The following XRRA1 variants were observed in gnomAD, a reference collection of about 807,000 sequenced individuals.
The protein encoded by XRRA1 is X-ray radiation resistance-associated protein 1.
XRRA1 carries 69 observed loss-of-function variants against 80.2 expected under a neutral mutation model. That is an observed-to-expected ratio of 0.86 (90% CI 0.71 to 1.05). The LOEUF (loss-of-function observed/expected upper bound fraction) is 1.05. Ranked by LOEUF, XRRA1 falls within the 50% of genes least tolerant of loss-of-function variation. The pLI, the probability that XRRA1 is intolerant of heterozygous loss-of-function variation, is 0.00. For synonymous variants in XRRA1, 348 were observed against 389.9 expected (o/e 0.89, Z 1.27); for missense variants, 967 against 976.4 (o/e 0.99, Z 0.13).
At chr11:74,848,565 G>A in intron 14 of XRRA1, 103 bp from the exon 15 acceptor site, 1 of 1,069,528 alleles carries the variant, frequency 9.3e-7, no homozygotes. Context: ...GGAGTGCTGG[G>A]TACGGACTGA....
intron 1 of XRRA1, among the ~76,000 whole-genome samples, chr11:74,945,443 A>G (rs1947311660): frequency 6.6e-6 from 1 of 152,224 alleles, no homozygotes; most frequent in African/African-American, 2.4e-5. Flanking sequence ...AAGATAAGAC[A>G]CAGTCTGGGA....
intron 10 of XRRA1, among the ~76,000 whole-genome samples, chr11:74,904,891 T>TAAAAAAA (rs35880400): frequency 1.4e-5 from 1 of 70,106 alleles, no homozygotes; most frequent in Non-Finnish European, 2.9e-5. Flanking sequence ...AACTTCACAG[T>TAAAAAAA]AAAAAAAAAA....
intron 10 of XRRA1, among the ~76,000 whole-genome samples, chr11:74,894,991 G>A (rs2051888936): frequency 6.6e-6 from 1 of 152,050 alleles, no homozygotes; most frequent in Non-Finnish European, 1.5e-5. Context: ...AACCAAAGAG[G>A]GCAGAGCAAG....
chr11:74,904,638 T>C, intron 10 of XRRA1, among the ~76,000 whole-genome samples: 1 of 151,960 alleles, frequency 6.6e-6, no homozygotes, highest in Admixed American at 6.5e-5. Flanking sequence ...TAAGGTGAAA[T>C]GTATCAATAA....
In XRRA1 at chr11:74,851,119, T is replaced by C; in HGVS notation, c.1349A>G (p.His450Arg). ...TGATTCCTTCCGAGACATCAAAACATGATGCTTAGGCTTTACTATCTTCCT... is the reference window on the plus strand; with the variant it reads ...TGATTCCTTCCGAGACATCAAAACACGATGCTTAGGCTTTACTATCTTCCT... The part of the protein sequence containing the change: ...IRRKIVKPKH[H>R]VLMSRKESWK... The change falls in exon 14 of 19, where the codon CAT becomes CGT. Residue 450 changes from histidine to arginine, a missense_variant. His to Arg is a conservative substitution (Grantham distance 29). Transcript: ENST00000684022. 6.2e-7 allele frequency: 1 copy of C among 1,612,456 alleles called. No individual in the cohort carries two copies. The highest frequency in any genetic ancestry group is 8.5e-7 in the Non-Finnish European group (1 of 1,179,002).
chr11:74,877,474 T>C (rs896585543), intron 10 of XRRA1, among the ~76,000 whole-genome samples: 5 of 152,252 alleles, frequency 3.3e-5, no homozygotes, highest in South Asian at 2.1e-4. Flanking sequence ...TTTTTTATTT[T>C]ATTATACTTT....
At chr11:74,891,769 CAGAG>C (rs1296629907) in intron 10 of XRRA1, among the ~76,000 whole-genome samples, 80 of 152,244 alleles carry the variant, frequency 5.3e-4, no homozygotes, top group African/African-American at 1.7e-3. Flanking sequence ...AACAGACAAA[CAGAG>C]AGCCAAATCA....
chr11:74,901,252 CAAT>C (rs2053528176), intron 10 of XRRA1, among the ~76,000 whole-genome samples: 2 of 152,036 alleles, frequency 1.3e-5, no homozygotes, highest in African/African-American at 4.8e-5. Flanking sequence ...AAGATCTCTA[CAAT>C]AAAAACTATA....
intron 10 of XRRA1, among the ~76,000 whole-genome samples, chr11:74,898,533 A>G (rs1477870722): frequency 6.6e-6 from 1 of 152,204 alleles, no homozygotes; most frequent in Non-Finnish European, 1.5e-5. Flanking sequence ...CTAAAAAGAT[A>G]CACATAGACT....
intron 10 of XRRA1, among the ~76,000 whole-genome samples, chr11:74,887,046 A>G (rs1277747809): frequency 6.6e-6 from 1 of 152,256 alleles, no homozygotes; most frequent in East Asian, 1.9e-4. Context: ...CCTTCCTTAC[A>G]CCATCTACAA....
At chr11:74,881,210 T>C (rs1031957244) in intron 10 of XRRA1, among the ~76,000 whole-genome samples, 1 of 151,696 alleles carries the variant, frequency 6.6e-6, no homozygotes, top group Admixed American at 6.6e-5. Context: ...CCTTTACCAT[T>C]ATTTAATGGC....
intron 10 of XRRA1, among the ~76,000 whole-genome samples, chr11:74,903,685 A>G (rs907980050): frequency 5.9e-5 from 9 of 152,240 alleles, no homozygotes; most frequent in Non-Finnish European, 1.2e-4. Flanking sequence ...CCTGGGCAAC[A>G]GCGTGAGACT....
At chr11:74,859,775 G>C (rs115765039) in intron 11 of XRRA1, among the ~76,000 whole-genome samples, 2 of 152,054 alleles carry the variant, frequency 1.3e-5, no homozygotes, top group Non-Finnish European at 2.9e-5. Context: ...CCACATCCTC[G>C]AGTGGAGGGT....
Position 74,843,873 on chromosome 11 carries a change from G to C in XRRA1, c.2130C>G (p.Asn710Lys), listed in dbSNP as rs555546234. The change falls in exon 18 of 19, where the codon AAC becomes AAG. Residue 710 changes from asparagine to lysine, a missense_variant. Asn to Lys is a moderately conservative substitution (Grantham distance 94, BLOSUM62 0). Coordinates refer to ENST00000684022, the MANE Select transcript of XRRA1 (RefSeq NM_001378157.1). ...DIFIRLRDPR[N>K]ITEAPLGAVL... ...CCGTACCTAGTGGAGCCTCTGTAAT[G>C]TTCCGGGGATCCCGCAAGCGAATGA... 67 of 1,611,464 alleles carry C rather than the reference G, an allele frequency of 4.2e-5. No individual in the cohort carries two copies. In the East Asian group the frequency reaches 1.4e-3, roughly 33 times the overall value.
intron 10 of XRRA1, among the ~76,000 whole-genome samples, chr11:74,904,622 T>C (rs1479689456): frequency 6.6e-6 from 1 of 151,576 alleles, no homozygotes; most frequent in East Asian, 1.9e-4. Context: ...ACACTAATGG[T>C]AGAAATAAGG....
intron 4 of XRRA1, among the ~76,000 whole-genome samples, chr11:74,934,318 A>G (rs556771745): frequency 6.6e-6 from 1 of 152,270 alleles, no homozygotes; most frequent in South Asian, 2.1e-4. Flanking sequence ...TTAGCTTTGG[A>G]GCTTCCATTT....
At chr11:74,916,921 T>C (rs972205476) in intron 8 of XRRA1, among the ~76,000 whole-genome samples, 3 of 152,210 alleles carry the variant, frequency 2.0e-5, no homozygotes, top group Non-Finnish European at 2.9e-5. Context: ...TTTCTCTGGA[T>C]ATATGTGGTG....
chr11:74,943,705 G>A (rs766745078), intron 2 of XRRA1, among the ~76,000 whole-genome samples: 8 of 152,128 alleles, frequency 5.3e-5, no homozygotes, highest in Admixed American at 1.3e-4. Flanking sequence ...TGCCTTATAC[G>A]TGAAATCTCC....
At chr11:74,885,938 C>G (rs2136995438) in intron 10 of XRRA1, among the ~76,000 whole-genome samples, 1 of 152,160 alleles carries the variant, frequency 6.6e-6, no homozygotes. Flanking sequence ...TGATTTATCA[C>G]ATAAACAGAA....
Sources: gnomAD v4.1 joint callset for allele counts (sites outside exome capture counted in the v4.1 genomes callset) on GRCh38, gnomAD v4.1.1 for gene constraint, MANE v1.5 for transcripts, NCBI Gene and HGNC (gene_info 2026-07-23, HGNC 2026-07-21) for gene names.